Variants in TFPI observed in about 807,000 individuals in gnomAD.
TFPI encodes the protein tissue factor pathway inhibitor.
A neutral mutation model predicts 34.6 loss-of-function variants in TFPI; 15 were observed. The ratio of observed to expected loss-of-function variants is 0.43; its 90% confidence interval spans 0.29 to 0.67. The LOEUF (loss-of-function observed/expected upper bound fraction) is 0.67, where lower values mean the gene tolerates loss of function less well. Ranked by LOEUF, TFPI falls within the 30% of genes least tolerant of loss-of-function variation. The probability of loss-of-function intolerance (pLI) is 0.15; values close to 1 mark genes in which losing one functional copy is unlikely to be tolerated. For missense variants in TFPI, 301 were observed against 364.0 expected (o/e 0.83, Z 1.41); for synonymous variants, 105 against 120.1 (o/e 0.87, Z 0.82).
chr2:187,535,930 T>C (rs1263023208), intron 1 of TFPI, among the ~76,000 whole-genome samples: 2 of 152,118 alleles, frequency 1.3e-5, no homozygotes, highest in Non-Finnish European at 2.9e-5. Context: ...AAATACAAAC[T>C]ACCATCAGAG....
intron 1 of TFPI, among the ~76,000 whole-genome samples, chr2:187,505,223 A>T (rs1686126577): frequency 6.6e-6 from 1 of 152,016 alleles, no homozygotes; most frequent in East Asian, 1.9e-4. Flanking sequence ...TCTGCATCAC[A>T]CAGTTCAGGA....
intron 1 of TFPI, among the ~76,000 whole-genome samples, chr2:187,549,075 C>T (rs1243358551): frequency 1.3e-5 from 2 of 152,050 alleles, no homozygotes; most frequent in Non-Finnish European, 2.9e-5. Flanking sequence ...GACTAAATAG[C>T]TTTGCTAAAC....
At chr2:187,496,466 C>G (rs534488051) in intron 3 of TFPI, among the ~76,000 whole-genome samples, 1 of 152,192 alleles carries the variant, frequency 6.6e-6, no homozygotes, top group East Asian at 1.9e-4. Flanking sequence ...AAATACTTCA[C>G]AATTCTTTGA....
chr2:187,532,301 T>C (rs537723917), intron 1 of TFPI, among the ~76,000 whole-genome samples: 1 of 152,234 alleles, frequency 6.6e-6, no homozygotes, highest in Admixed American at 6.5e-5. Context: ...GATGGCTGAA[T>C]AGAAACAGCT....
rs2106119733 is a variant in TFPI at position 187,503,698 on chromosome 2, G to T, written c.71C>A (p.Ala24Asp). 3.1e-6 allele frequency: 5 copies of T among 1,613,148 alleles called. No individual in the cohort carries two copies. Among genetic ancestry groups the T allele is most frequent in the Non-Finnish European group, 4.2e-6 (5 of 1,179,374 alleles). Residue 24 changes from alanine to aspartate, a missense_variant, in exon 2 of 8, where the codon GCC becomes GAC. Physicochemically the swap from Ala to Asp is moderately radical, Grantham distance 126. Coordinates refer to ENST00000233156, the MANE Select transcript of TFPI (RefSeq NM_006287.6). ...TTCCTCAGAATCAGCATTAAGAGGGGCAGGGGCAAGATTAAGCAGCAGGCA... is the reference window on the plus strand; with the variant it reads ...TTCCTCAGAATCAGCATTAAGAGGGTCAGGGGCAAGATTAAGCAGCAGGCA... The part of the protein sequence containing the change: ...SVCLLLNLAP[A>D]PLNADSEEDE...
chr2:187,502,857 C>T (rs1370244945), intron 2 of TFPI, among the ~76,000 whole-genome samples: 1 of 152,174 alleles, frequency 6.6e-6, no homozygotes, highest in East Asian at 1.9e-4. Context: ...ACACTGAACA[C>T]AGTCATTTTA....
chr2:187,527,568 T>A (rs1687743477), intron 1 of TFPI, among the ~76,000 whole-genome samples: 1 of 152,168 alleles, frequency 6.6e-6, no homozygotes, highest in Admixed American at 6.5e-5. Flanking sequence ...CCCTGTTGGG[T>A]CCCACATTTT....
intron 1 of TFPI, among the ~76,000 whole-genome samples, chr2:187,535,523 T>C (rs768661224): frequency 9.8e-5 from 15 of 152,320 alleles, no homozygotes; most frequent in Non-Finnish European, 1.6e-4. Flanking sequence ...ATAAATAAGT[T>C]ATTTGAAACC....
At chr2:187,501,282 C>A (rs768157280) in intron 2 of TFPI, among the ~76,000 whole-genome samples, 6 of 150,872 alleles carry the variant, frequency 4.0e-5, no homozygotes, top group Admixed American at 1.3e-4. Context: ...AGGTTACAAT[C>A]CTGCCTTCCC....
intron 1 of TFPI, among the ~76,000 whole-genome samples, chr2:187,522,826 G>A (rs535879625): frequency 6.6e-6 from 1 of 151,410 alleles, no homozygotes; most frequent in South Asian, 2.1e-4. Flanking sequence ...GGGAGGTAGA[G>A]ATTGCAGTGA....
intron 6 of TFPI, among the ~76,000 whole-genome samples, chr2:187,481,037 A>G (rs1383914187): frequency 6.6e-6 from 1 of 152,042 alleles, no homozygotes; most frequent in Non-Finnish European, 1.5e-5. Flanking sequence ...TGCTTCCATA[A>G]TATCATGAAG....
chr2:187,470,715 GCAAA>G (rs902740148), intron 6 of TFPI, among the ~76,000 whole-genome samples: 4 of 152,196 alleles, frequency 2.6e-5, no homozygotes, highest in African/African-American at 7.2e-5. Flanking sequence ...TGGTTTGAGA[GCAAA>G]CAGACAGTTG....
At chr2:187,503,626 AT>A in intron 2 of TFPI, 21 bp downstream of exon 2, 1 of 1,607,970 alleles carries the variant, frequency 6.2e-7, no homozygotes, top group South Asian at 1.1e-5. Context: ...GCTTAAAAAG[AT>A]AATTGCTTCT....
intron 1 of TFPI, among the ~76,000 whole-genome samples, chr2:187,524,879 G>A (rs1687598934): frequency 6.6e-6 from 1 of 152,024 alleles, no homozygotes; most frequent in Non-Finnish European, 1.5e-5. Context: ...AAGAATGATT[G>A]CTGAAATTCC....
intron 2 of TFPI, among the ~76,000 whole-genome samples, chr2:187,498,901 A>C (rs866502459): frequency 2.6e-5 from 4 of 151,962 alleles, no homozygotes; most frequent in African/African-American, 9.6e-5. Flanking sequence ...ACTAAAGTTG[A>C]GTTTTATGCA....
Position 187,464,328 on chromosome 2 carries a change from A to G in TFPI, c.*2608T>C, listed in dbSNP as rs1485511664. ...GATCTGTTAATTTTGAATACAGAGA[A>G]TGAACAAAGCAGGTAAATATATGTA... is the stretch of plus-strand genomic sequence containing the variant. On this transcript the variant is annotated 3_prime_UTR_variant, in exon 8 of 8. Coordinates refer to ENST00000233156, the MANE Select transcript of TFPI (RefSeq NM_006287.6). 18 of 152,220 alleles carry G rather than the reference A, an allele frequency of 1.2e-4. No homozygotes were observed. Among genetic ancestry groups the G allele is most frequent in the Admixed American group, 1.2e-3 (18 of 15,280 alleles). 9.4% of individuals were successfully genotyped at this position (152,220 alleles called of 1,614,324 possible). A position where few individuals can be genotyped will look rare whatever the true frequency, so the allele number is the denominator to read the frequency against.
intron 1 of TFPI, chr2:187,518,778 A>T (rs893808479): frequency 4.6e-5 from 7 of 152,212 alleles, no homozygotes; most frequent in African/African-American, 1.7e-4. Context: ...AGGTACACCA[A>T]TCAAACGTAG....
chr2:187,533,910 C>T (rs6723480), intron 1 of TFPI, among the ~76,000 whole-genome samples: 2,842 of 151,946 alleles, frequency 0.019, 84 homozygotes, highest in African/African-American at 0.064. Flanking sequence ...ATGAGAACTT[C>T]GTGAAGCATA....
chr2:187,477,473 T>G (rs1290102501), intron 6 of TFPI, among the ~76,000 whole-genome samples: 1 of 152,126 alleles, frequency 6.6e-6, no homozygotes, highest in Non-Finnish European at 1.5e-5. Flanking sequence ...TTTGTTTGTT[T>G]GTTCGTTTTT....
Sources: allele counts gnomAD v4.1 joint callset (sites outside exome capture counted in the v4.1 genomes callset), GRCh38; gene constraint gnomAD v4.1.1; transcripts MANE v1.5; gene names NCBI Gene and HGNC (gene_info 2026-07-23, HGNC 2026-07-21).